KCTD8: variants seen among roughly 807,000 people sequenced by gnomAD.
The protein encoded by KCTD8 is potassium channel tetramerization domain containing 8.
A neutral mutation model predicts 31.5 loss-of-function variants in KCTD8; 27 were observed. That is an observed-to-expected ratio of 0.86 (90% CI 0.63 to 1.18). KCTD8 has a LOEUF of 1.18. KCTD8 is among the 50% of genes most tolerant of loss of function. The probability of loss-of-function intolerance (pLI) is 0.00; values close to 1 mark genes in which losing one functional copy is unlikely to be tolerated. For missense variants in KCTD8, 658 were observed against 647.7 expected (o/e 1.02, Z -0.17); for synonymous variants, 290 against 280.0 (o/e 1.04, Z -0.36).
intron 1 of KCTD8, among the ~76,000 whole-genome samples, chr4:44,203,051 G>A (rs1714196515): frequency 6.6e-6 from 1 of 151,976 alleles, no homozygotes; most frequent in Non-Finnish European, 1.5e-5. Flanking sequence ...TTGATAATGG[G>A]CCATGCTAAT....
At chr4:44,441,568 C>A (rs549409336) in intron 1 of KCTD8, among the ~76,000 whole-genome samples, 12 of 152,126 alleles carry the variant, frequency 7.9e-5, no homozygotes, top group Non-Finnish European at 1.2e-4. Flanking sequence ...GCCAAATTGA[C>A]TGCCAGAAAC....
At chr4:44,346,828 C>T (rs1170987070) in intron 1 of KCTD8, among the ~76,000 whole-genome samples, 1 of 152,090 alleles carries the variant, frequency 6.6e-6, no homozygotes, top group Non-Finnish European at 1.5e-5. Context: ...ATGTTTACTA[C>T]AAGGGATTGG....
At chr4:44,419,350 G>T (rs1298395160) in intron 1 of KCTD8, among the ~76,000 whole-genome samples, 3 of 152,224 alleles carry the variant, frequency 2.0e-5, no homozygotes, top group Admixed American at 2.0e-4. Context: ...CACTGAGAAG[G>T]GCCAGGGGCC....
chr4:44,262,736 T>C (rs1021948368), intron 1 of KCTD8, among the ~76,000 whole-genome samples: 4 of 152,156 alleles, frequency 2.6e-5, no homozygotes, highest in African/African-American at 9.6e-5. Context: ...CATTGGGTTT[T>C]AAAAAATATT....
chr4:44,387,016 C>T (rs1276211432), intron 1 of KCTD8, among the ~76,000 whole-genome samples: 1 of 151,774 alleles, frequency 6.6e-6, no homozygotes, highest in Non-Finnish European at 1.5e-5. Context: ...AGCTGATAAG[C>T]AACTTCAGCA....
intron 1 of KCTD8, among the ~76,000 whole-genome samples, chr4:44,275,532 CTG>C (rs763209123): frequency 1.2e-4 from 18 of 152,018 alleles, no homozygotes; most frequent in Non-Finnish European, 2.4e-4. Flanking sequence ...CATCTATAAA[CTG>C]TACAAATGAG....
chr4:44,194,850 T>C lies in KCTD8; in HGVS notation c.962-19600A>G, dbSNP rs188936385. 2.9e-3 allele frequency among the ~76,000 whole-genome samples: 362 copies of C among 124,344 alleles called. 6 individuals are homozygous for C. The highest frequency in any genetic ancestry group is 0.028 in the Admixed American group (335 of 12,080). The allele number at this position is 124,344 out of a possible 152,430, so 81.6% of individuals were successfully genotyped here. On this transcript the variant is annotated intron_variant, in intron 1 of 1. Coordinates refer to ENST00000360029, the MANE Select transcript of KCTD8 (RefSeq NM_198353.3). ...CTTCCTTCCTTCCTTCCCTCTTTCCTTTCACTCTCTCTCTTTTTTTTTTGG... is the reference window on the plus strand; with the variant it reads ...CTTCCTTCCTTCCTTCCCTCTTTCCCTTCACTCTCTCTCTTTTTTTTTTGG...
chr4:44,338,882 T>C (rs910384558), intron 1 of KCTD8, among the ~76,000 whole-genome samples: 9 of 152,156 alleles, frequency 5.9e-5, no homozygotes, highest in Non-Finnish European at 1.2e-4. Context: ...AAAAAAGCTC[T>C]CTTCATAAGT....
At chr4:44,292,608 C>T (rs965253366) in intron 1 of KCTD8, among the ~76,000 whole-genome samples, 1 of 152,008 alleles carries the variant, frequency 6.6e-6, no homozygotes, top group Admixed American at 6.6e-5. Context: ...GCACCTTTAC[C>T]CTCTGAATCT....
chr4:44,378,286 C>T (rs1719970099), intron 1 of KCTD8, among the ~76,000 whole-genome samples: 1 of 147,544 alleles, frequency 6.8e-6, no homozygotes, highest in South Asian at 2.1e-4. Flanking sequence ...AGGCAGGGCA[C>T]AATACTATAC....
At chr4:44,221,777 C>T (rs1714815850) in intron 1 of KCTD8, among the ~76,000 whole-genome samples, 1 of 152,148 alleles carries the variant, frequency 6.6e-6, no homozygotes, top group African/African-American at 2.4e-5. Context: ...TTATCCTAGC[C>T]AGACTGGCAG....
intron 1 of KCTD8, among the ~76,000 whole-genome samples, chr4:44,212,107 C>A (rs1217011340): frequency 6.6e-6 from 1 of 151,954 alleles, no homozygotes; most frequent in Non-Finnish European, 1.5e-5. Flanking sequence ...AAAGATAGCA[C>A]AAGGGGATAT....
At chr4:44,388,043 G>T (rs1235537517) in intron 1 of KCTD8, among the ~76,000 whole-genome samples, 1 of 149,248 alleles carries the variant, frequency 6.7e-6, no homozygotes, top group African/African-American at 2.4e-5. Context: ...ATAAAAAAGT[G>T]GGCAAAGGAC....
intron 1 of KCTD8, among the ~76,000 whole-genome samples, chr4:44,276,920 C>G (rs1716767143): frequency 6.6e-6 from 1 of 151,932 alleles, no homozygotes; most frequent in Admixed American, 6.6e-5. Flanking sequence ...TTTAAGTACT[C>G]TATGTACACC....
chr4:44,356,194 C>A (rs893285918), intron 1 of KCTD8, among the ~76,000 whole-genome samples: 1 of 152,100 alleles, frequency 6.6e-6, no homozygotes, highest in African/African-American at 2.4e-5. Flanking sequence ...CATCAAATGT[C>A]TTTTTTACTG....
chr4:44,319,780 A>G, intron 1 of KCTD8, among the ~76,000 whole-genome samples: 1 of 152,144 alleles, frequency 6.6e-6, no homozygotes, highest in Middle Eastern at 3.2e-3. Flanking sequence ...AAGAAACTGG[A>G]AGTTGCAAAT....
intron 1 of KCTD8, among the ~76,000 whole-genome samples, chr4:44,333,130 A>T (rs771249962): frequency 2.6e-5 from 4 of 152,080 alleles, no homozygotes; most frequent in Non-Finnish European, 5.9e-5. Context: ...CATTATAATC[A>T]TAGGGAGACA....
chr4:44,439,124 C>T (rs1465384754), intron 1 of KCTD8, among the ~76,000 whole-genome samples: 1 of 152,110 alleles, frequency 6.6e-6, no homozygotes, highest in Non-Finnish European at 1.5e-5. Flanking sequence ...ACTACTCTCC[C>T]TATTTTACTT....
At chr4:44,292,273 C>T (rs923245809) in intron 1 of KCTD8, among the ~76,000 whole-genome samples, 2 of 152,122 alleles carry the variant, frequency 1.3e-5, no homozygotes, top group East Asian at 1.9e-4. Flanking sequence ...TACATATACA[C>T]TATGGAATAC....
Sources: allele counts gnomAD v4.1 joint callset (sites outside exome capture counted in the v4.1 genomes callset), GRCh38; gene constraint gnomAD v4.1.1; transcripts MANE v1.5; gene names NCBI Gene and HGNC (gene_info 2026-07-23, HGNC 2026-07-21).